Variants in SLC52A3 observed in about 807,000 individuals in gnomAD.
SLC52A3 encodes the protein solute carrier family 52, riboflavin transporter, member 3.
In SLC52A3, 20 loss-of-function variants were observed where a neutral mutation model predicts 29.5. The observed-to-expected ratio is 0.68, with a 90% CI of 0.48 to 0.99. SLC52A3 has a LOEUF of 0.99. SLC52A3 is among the 50% of genes least tolerant of loss of function. The pLI, the probability that SLC52A3 is intolerant of heterozygous loss-of-function variation, is 0.00. For missense variants in SLC52A3, 548 were observed against 612.9 expected, an observed-to-expected ratio of 0.89 and a Z score of 1.12; for synonymous variants, 301 against 271.0, an observed-to-expected ratio of 1.11 and a Z score of -1.09.
At chr20:770,246 T>TC (rs1986809557), upstream of SLC52A3, among the ~76,000 whole-genome samples, 1 of 150,302 alleles carries the variant, frequency 6.7e-6, no homozygotes, top group Non-Finnish European at 1.5e-5. The surrounding 1 kb of genome is among the most constrained non-coding windows in gnomAD (Gnocchi z 4.5). Flanking sequence ...AACCTCCGCC[T>TC]CCCGAGTTCA....
intron 1 of SLC52A3, among the ~76,000 whole-genome samples, chr20:767,690 TG>T (rs1367371856): frequency 2.6e-5 from 4 of 152,192 alleles, no homozygotes; most frequent in Admixed American, 6.5e-5. Flanking sequence ...AGTTTTGATT[TG>T]TGAACCATGT....
upstream of SLC52A3, among the ~76,000 whole-genome samples, chr20:776,252 T>C (rs774808183): frequency 1.3e-5 from 2 of 152,184 alleles, no homozygotes; most frequent in Non-Finnish European, 2.9e-5. Flanking sequence ...GGTTCTGGCA[T>C]CACCCTGAGA....
chr20:773,087 C>T (rs1986897499), upstream of SLC52A3, among the ~76,000 whole-genome samples: 2 of 152,144 alleles, frequency 1.3e-5, no homozygotes, highest in Non-Finnish European at 2.9e-5. Flanking sequence ...CAAAAAGCTC[C>T]GTGAGTGGGC....
intron 3 of SLC52A3, among the ~76,000 whole-genome samples, chr20:762,527 C>A (rs890523317): frequency 1.3e-5 from 2 of 152,210 alleles, no homozygotes; most frequent in Non-Finnish European, 2.9e-5. Context: ...CAAGACTGGT[C>A]CACGCCCTGG....
At chr20:767,501 G>A (rs1030532472) in intron 1 of SLC52A3, among the ~76,000 whole-genome samples, 5 of 151,824 alleles carry the variant, frequency 3.3e-5, no homozygotes, top group African/African-American at 4.8e-5. Flanking sequence ...GACTACAGGC[G>A]CCCACCACTA....
chr20:765,879 G>T lies in SLC52A3; in HGVS notation c.-51-54C>A. The T allele has an allele frequency of 8.8e-7, 1 of 1,139,970 alleles. No individual in the cohort carries two copies. Among genetic ancestry groups the T allele is most frequent in the Non-Finnish European group, 1.3e-6 (1 of 774,668 alleles). The allele number at this position is 1,139,970 out of a possible 1,614,324, so 70.6% of individuals were successfully genotyped here. A position where few individuals can be genotyped will look rare whatever the true frequency, so the allele number is the denominator to read the frequency against. ...TTCCAGCTTCACCACCTAGCAAGAT[G>T]CTGGGACCTGGGGCCCAGAGTTTTC... is the stretch of plus-strand genomic sequence containing the variant. On this transcript the variant is annotated intron_variant, in intron 1 of 4. Transcript: ENST00000645534. This position sits in a 1 kb window ranked among gnomAD's most constrained non-coding sequence, Gnocchi z 6.6.
chr20:761,637 T>C (rs1301353165), intron 4 of SLC52A3, 64 bp downstream of exon 4: 1 of 1,604,744 alleles, frequency 6.2e-7, no homozygotes, highest in Non-Finnish European at 8.5e-7. Flanking sequence ...GCCCAAGCTC[T>C]CCCAGGCCTT....
chr20:765,258 ATATCT>A lies in SLC52A3; in HGVS notation c.512_516del (p.Glu171ValfsTer14). ...GGTACAGGGCTTGGTACGCTGTCTG[ATATCT>A]CAGTGACATTGACGCAGGTAGTGAG... is the stretch of plus-strand genomic sequence containing the variant. On this transcript the variant is annotated frameshift_variant, in exon 2 of 5. Transcript: ENST00000645534. LOFTEE classifies it high-confidence loss of function. This position sits in a 1 kb window ranked among gnomAD's most constrained non-coding sequence, Gnocchi z 6.6. 1 of 1,614,176 alleles carries A rather than the reference ATATCT, an allele frequency of 6.2e-7. No homozygotes were observed.
At chr20:774,388 G>A (rs1804908722) in intron 1 of SLC52A3, among the ~76,000 whole-genome samples, 1 of 152,174 alleles carries the variant, frequency 6.6e-6, no homozygotes, top group South Asian at 2.1e-4. Context: ...TCTACTTAGG[G>A]CCTGGCCTCA....
At position 765,397 on chromosome 20, in the gene SLC52A3, G is replaced by A. The variant is rs1599959231; in HGVS notation, c.378C>T (p.Phe126=). The change falls in exon 2 of 5, where the codon TTC becomes TTT. Residue 126 remains phenylalanine, a synonymous_variant. Transcript: ENST00000645534. The surrounding 1 kb of genome is among the most constrained non-coding windows in gnomAD (Gnocchi z 6.6). Reference sequence around the variant, plus strand: ...TGGGCAGCCGGCTCATGAACGGCAGGAAGGTCACTGAAGAGGTGCAGTCCA... The same window carrying A: ...TGGGCAGCCGGCTCATGAACGGCAGAAAGGTCACTGAAGAGGTGCAGTCCA... The part of the protein sequence containing the change: ...ALVDCTSSVT[F]LPFMSRLPTY... The A allele has an allele frequency of 1.2e-6, 2 of 1,614,118 alleles. No homozygotes were observed. The highest frequency in any genetic ancestry group is 1.6e-4 in the Middle Eastern group (1 of 6,062).
At chr20:774,170 A>G (rs907553928) in intron 1 of SLC52A3, among the ~76,000 whole-genome samples, 11 of 152,190 alleles carry the variant, frequency 7.2e-5, no homozygotes, top group Admixed American at 6.5e-4. Context: ...CTCTGCAGGG[A>G]TAATCTGCCA....
chr20:774,665 G>A (rs986396994), intron 1 of SLC52A3, among the ~76,000 whole-genome samples: 2 of 152,130 alleles, frequency 1.3e-5, no homozygotes, highest in African/African-American at 4.8e-5. Flanking sequence ...CAGCTGGGGC[G>A]CTGGGAGCCT....
rs1986758239 is a variant in SLC52A3, at chr20:768,470, ATAC to A, written c.-228_-226del. On this transcript the variant is annotated 5_prime_UTR_variant, in exon 1 of 5. It adds an upstream start codon to the 5' untranslated region. Transcript: ENST00000645534. Reference sequence around the variant, plus strand: ...AGTTCACGCTGCAGTCTTTAACTCCATACTTCTTCCTTCTAGTACAAAGCAGGA... The same window carrying A: ...AGTTCACGCTGCAGTCTTTAACTCCATTCTTCCTTCTAGTACAAAGCAGGA... 6.6e-6 allele frequency: 1 copy of A among 152,154 alleles called. No homozygotes were observed. The highest frequency in any genetic ancestry group is 1.5e-5 in the Non-Finnish European group (1 of 68,038). The allele number at this position is 152,154 out of a possible 1,614,324, so 9.4% of individuals were successfully genotyped here.
chr20:775,419 C>T (rs1940323918), intron 1 of SLC52A3, among the ~76,000 whole-genome samples: 2 of 152,050 alleles, frequency 1.3e-5, no homozygotes, highest in African/African-American at 4.8e-5. Context: ...GACTATTAAC[C>T]CATGCCACCA....
At chr20:770,714 T>A (rs928779284), upstream of SLC52A3, among the ~76,000 whole-genome samples, 4 of 152,118 alleles carry the variant, frequency 2.6e-5, no homozygotes, top group African/African-American at 7.2e-5. This position sits in a 1 kb window ranked among gnomAD's most constrained non-coding sequence, Gnocchi z 4.5. Context: ...ACAAATAGAG[T>A]GATGTCTTTT....
Position 764,866 on chromosome 20 carries a change from A to G in SLC52A3, c.567+342T>C, listed in dbSNP as rs947488439. ...TATCACCCGAGGAACTTTTATCTGCATAACAGTGCAATGTTTATTCACCAT... is the reference window on the plus strand; with the variant it reads ...TATCACCCGAGGAACTTTTATCTGCGTAACAGTGCAATGTTTATTCACCAT... On this transcript the variant is annotated intron_variant, in intron 2 of 4. Transcript: ENST00000645534. Among the ~76,000 whole-genome samples, 13 of 152,344 alleles carry G rather than the reference A, an allele frequency of 8.5e-5. No homozygotes were observed. In the East Asian group the frequency reaches 1.7e-3, roughly 20 times the overall value.
chr20:774,854 A>G (rs971525396), intron 1 of SLC52A3, among the ~76,000 whole-genome samples: 13 of 152,198 alleles, frequency 8.5e-5, no homozygotes, highest in African/African-American at 3.1e-4. Flanking sequence ...CCCACCCCTG[A>G]TCTCAGGCTG....
chr20:773,134 C>T (rs1001072957), upstream of SLC52A3, among the ~76,000 whole-genome samples: 12 of 152,108 alleles, frequency 7.9e-5, no homozygotes, highest in African/African-American at 2.4e-4. Flanking sequence ...TTAACAGGAT[C>T]GTGCTGGCTG....
chr20:775,675 C>G (rs114590677), intron 1 of SLC52A3, among the ~76,000 whole-genome samples: 2 of 152,086 alleles, frequency 1.3e-5, no homozygotes, highest in Non-Finnish European at 2.9e-5. Flanking sequence ...GAGGAGGAAA[C>G]CTTTCTTCCC....
Sources: gnomAD v4.1 joint callset for allele counts (sites outside exome capture counted in the v4.1 genomes callset) on GRCh38, gnomAD v4.1.1 for gene constraint, Gnocchi (gnomAD v3.1) non-coding constraint, MANE v1.5 for transcripts, NCBI Gene and HGNC (gene_info 2026-07-23, HGNC 2026-07-21) for gene names.